The following CNTN5 variants were observed in gnomAD, a reference collection of about 807,000 sequenced individuals.
CNTN5 encodes contactin 5.
CNTN5 carries 77 observed loss-of-function variants against 129.1 expected under a neutral mutation model. The observed-to-expected ratio is 0.60, with a 90% CI of 0.50 to 0.72. CNTN5 has a LOEUF of 0.72. Among genes scored for constraint, CNTN5 ranks in the 30% least tolerant of loss-of-function variants. The pLI is 0.00. For synonymous variants in CNTN5, 509 were observed against 465.6 expected (o/e 1.09, Z -1.20); for missense variants, 1,478 against 1,328.8 (o/e 1.11, Z -1.75).
intron 3 of CNTN5, among the ~76,000 whole-genome samples, chr11:99,561,834 C>A (rs2135552434): frequency 9.0e-6 from 1 of 111,452 alleles, no homozygotes; most frequent in Admixed American, 9.3e-5. Context: ...TGGATAGGAT[C>A]TCATAAGAGA....
At chr11:99,474,570 GA>G (rs1384824936) in intron 2 of CNTN5, among the ~76,000 whole-genome samples, 23 of 151,982 alleles carry the variant, frequency 1.5e-4, no homozygotes, top group African/African-American at 5.1e-4. Flanking sequence ...TTTTGCAGAT[GA>G]AACAGAATAA....
intron 2 of CNTN5, among the ~76,000 whole-genome samples, chr11:99,533,776 G>T (rs896900120): frequency 6.6e-6 from 1 of 152,200 alleles, no homozygotes; most frequent in African/African-American, 2.4e-5. Context: ...TCCCTTTGTT[G>T]GAGGGAAACT....
chr11:99,284,743 C>CTGAGCTGA (rs1863859458), intron 1 of CNTN5, among the ~76,000 whole-genome samples: 1 of 151,756 alleles, frequency 6.6e-6, no homozygotes, highest in South Asian at 2.1e-4. Flanking sequence ...CCCTAAAAGA[C>CTGAGCTGA]TGAGCTGATG....
At chr11:100,086,848 G>A (rs1944576654) in intron 13 of CNTN5, among the ~76,000 whole-genome samples, 1 of 151,424 alleles carries the variant, frequency 6.6e-6, no homozygotes, top group Non-Finnish European at 1.5e-5. Flanking sequence ...TCAGAGTGGG[G>A]AATCTCAAAT....
chr11:99,835,312 T>A (rs1448214163), intron 4 of CNTN5, among the ~76,000 whole-genome samples: 2 of 152,194 alleles, frequency 1.3e-5, no homozygotes, highest in Admixed American at 6.5e-5. Flanking sequence ...ATGAATGACT[T>A]GGATTTTTAA....
chr11:100,199,309 T>A (rs1295691494), intron 15 of CNTN5, among the ~76,000 whole-genome samples: 1 of 151,912 alleles, frequency 6.6e-6, no homozygotes, highest in Admixed American at 6.6e-5. Flanking sequence ...AGCGCTACCC[T>A]TTCCCTATCT....
At chr11:99,330,442 A>C (rs1451917936) in intron 2 of CNTN5, among the ~76,000 whole-genome samples, 1 of 152,142 alleles carries the variant, frequency 6.6e-6, no homozygotes, top group African/African-American at 2.4e-5. Context: ...ATAAAAAGAG[A>C]TCTCATACAT....
At chr11:99,495,758 G>A (rs1180025153) in intron 2 of CNTN5, among the ~76,000 whole-genome samples, 1 of 152,256 alleles carries the variant, frequency 6.6e-6, no homozygotes, top group African/African-American at 2.4e-5. Context: ...TAATCCAGAA[G>A]AGCAATTGAG....
chr11:100,132,584 A>G (rs898243858), intron 13 of CNTN5, among the ~76,000 whole-genome samples: 3 of 152,148 alleles, frequency 2.0e-5, no homozygotes, highest in Non-Finnish European at 2.9e-5. Context: ...TCCATTATGC[A>G]CATTGTTGAA....
rs187560610 is a variant in CNTN5, at chr11:100,135,158, T to A, written c.1581-55968T>A. On this transcript the variant is annotated intron_variant, in intron 13 of 24. Transcript: ENST00000524871. ...CCTGTTTGGATATGTGTTATCTTGTTAGGTTGGATATAAAAGTGTTTTTTT... is the reference window on the plus strand; with the variant it reads ...CCTGTTTGGATATGTGTTATCTTGTAAGGTTGGATATAAAAGTGTTTTTTT... Among the ~76,000 whole-genome samples the A allele has an allele frequency of 2.5e-4, 38 of 150,992 alleles. 1 individual carries two copies. The East Asian group carries it at 7.5e-3, about 30-fold the overall frequency.
intron 6 of CNTN5, among the ~76,000 whole-genome samples, chr11:99,860,839 A>G (rs1216391530): frequency 6.6e-6 from 1 of 152,052 alleles, no homozygotes; most frequent in East Asian, 1.9e-4. Context: ...TATGTGAAAA[A>G]TGATACCAAT....
chr11:99,515,722 G>A (rs1226112658), intron 2 of CNTN5, among the ~76,000 whole-genome samples: 1 of 151,902 alleles, frequency 6.6e-6, no homozygotes, highest in Non-Finnish European at 1.5e-5. Flanking sequence ...ATAAATGCAT[G>A]TGTTTTCTAG....
intron 9 of CNTN5, among the ~76,000 whole-genome samples, chr11:100,043,889 T>C (rs368129739): frequency 2.6e-4 from 39 of 152,294 alleles, no homozygotes; most frequent in Non-Finnish European, 4.1e-4. Flanking sequence ...GCATTCACTT[T>C]GTTTTTTATT....
chr11:100,302,993 T>C (rs1176511649), intron 20 of CNTN5, among the ~76,000 whole-genome samples: 2 of 151,636 alleles, frequency 1.3e-5, no homozygotes, highest in South Asian at 2.1e-4. Context: ...CCTAGAGTAC[T>C]GTCAGAAAAA....
At chr11:99,123,395 T>A (rs1858456048) in intron 1 of CNTN5, among the ~76,000 whole-genome samples, 1 of 152,118 alleles carries the variant, frequency 6.6e-6, no homozygotes, top group Admixed American at 6.6e-5. Flanking sequence ...AATGGGTTTG[T>A]TTGTTTTTTG....
At chr11:99,524,611 A>G (rs550080121) in intron 2 of CNTN5, among the ~76,000 whole-genome samples, 1 of 152,174 alleles carries the variant, frequency 6.6e-6, no homozygotes, top group East Asian at 1.9e-4. Context: ...CAGGAGTTCT[A>G]AACCAGCCTG....
intron 9 of CNTN5, among the ~76,000 whole-genome samples, chr11:100,022,342 T>C (rs979425140): frequency 1.3e-5 from 2 of 152,242 alleles, no homozygotes; most frequent in African/African-American, 4.8e-5. Flanking sequence ...AAAGTAGTTA[T>C]TGACATGGTG....
At chr11:99,767,962 T>C (rs896058824) in intron 3 of CNTN5, among the ~76,000 whole-genome samples, 1 of 152,152 alleles carries the variant, frequency 6.6e-6, no homozygotes, top group Non-Finnish European at 1.5e-5. Context: ...AACTAGAGTT[T>C]CATGGACAAT....
At chr11:99,201,321 G>A (rs146279483) in intron 1 of CNTN5, among the ~76,000 whole-genome samples, 3 of 81,438 alleles carry the variant, frequency 3.7e-5, no homozygotes, top group African/African-American at 6.3e-5. Context: ...ACTGCGCCTG[G>A]CCCCTTCCTT....
Sources: allele counts gnomAD v4.1 joint callset (sites outside exome capture counted in the v4.1 genomes callset), GRCh38; gene constraint gnomAD v4.1.1; transcripts MANE v1.5; gene names NCBI Gene and HGNC (gene_info 2026-07-23, HGNC 2026-07-21).